GRIK4: variants seen among roughly 807,000 people sequenced by gnomAD.
The protein encoded by GRIK4 is glutamate ionotropic receptor kainate type subunit 4, also known as glutamate receptor ionotropic, kainate 4.
In GRIK4, 40 loss-of-function variants were observed where a neutral mutation model predicts 104.9. That is an observed-to-expected ratio of 0.38 (90% CI 0.30 to 0.50). GRIK4 has a LOEUF of 0.50. Ranked by LOEUF, GRIK4 falls within the 20% of genes least tolerant of loss-of-function variation. The pLI is 0.93. For missense variants in GRIK4, 1,047 were observed against 1,308.1 expected, an observed-to-expected ratio of 0.80 and a Z score of 3.08; for synonymous variants, 485 against 524.9, an observed-to-expected ratio of 0.92 and a Z score of 1.04.
chr11:120,723,577 C>T (rs1219545515), intron 3 of GRIK4, among the ~76,000 whole-genome samples: 1 of 152,176 alleles, frequency 6.6e-6, no homozygotes, highest in Non-Finnish European at 1.5e-5. Context: ...CACAGATGTA[C>T]CCAGATGGTA....
chr11:120,591,612 C>G (rs116184081), intron 1 of GRIK4, among the ~76,000 whole-genome samples: 1,577 of 152,286 alleles, frequency 0.01, 18 homozygotes, highest in African/African-American at 0.036. Context: ...CTTCCCTCTT[C>G]CCTCCACCAC....
intron 1 of GRIK4, among the ~76,000 whole-genome samples, chr11:120,563,527 C>T (rs1001855127): frequency 1.9e-4 from 29 of 152,254 alleles, no homozygotes; most frequent in African/African-American, 7.0e-4. Context: ...GCGGGTTCAG[C>T]TTTTGAACTC....
intron 3 of GRIK4, among the ~76,000 whole-genome samples, chr11:120,713,191 C>A (rs1443282348): frequency 1.3e-5 from 2 of 152,122 alleles, no homozygotes; most frequent in Non-Finnish European, 2.9e-5. Context: ...GTCAAGTGTC[C>A]CCCTGTTTAT....
intron 1 of GRIK4, among the ~76,000 whole-genome samples, chr11:120,546,621 A>T (rs529797425): frequency 1.3e-5 from 2 of 152,218 alleles, no homozygotes; most frequent in African/African-American, 2.4e-5. Context: ...TGCCCCACAG[A>T]GTGTGTCCAA....
intron 1 of GRIK4, among the ~76,000 whole-genome samples, chr11:120,623,305 A>AT (rs986123850): frequency 6.6e-6 from 1 of 151,358 alleles, no homozygotes; most frequent in African/African-American, 2.4e-5. Flanking sequence ...TTTTATTTTT[A>AT]TTTTTTTGTA....
At chr11:120,669,420 C>T (rs1024304519) in intron 3 of GRIK4, among the ~76,000 whole-genome samples, 3 of 152,184 alleles carry the variant, frequency 2.0e-5, no homozygotes, top group African/African-American at 7.2e-5. Context: ...CTACAGTGGG[C>T]TCCTGATTTT....
At chr11:120,764,496 C>G (rs1167976153) in intron 3 of GRIK4, among the ~76,000 whole-genome samples, 5 of 152,132 alleles carry the variant, frequency 3.3e-5, no homozygotes, top group Non-Finnish European at 5.9e-5. Flanking sequence ...ATGATGCTAG[C>G]TGGTTATTTT....
At chr11:120,626,100 G>A (rs979530840) in intron 1 of GRIK4, among the ~76,000 whole-genome samples, 6 of 152,146 alleles carry the variant, frequency 3.9e-5, no homozygotes, top group African/African-American at 1.2e-4. Context: ...GTGTCCCCCC[G>A]CCCCAACAAA....
intron 3 of GRIK4, among the ~76,000 whole-genome samples, chr11:120,763,557 T>C (rs1951785531): frequency 6.6e-6 from 1 of 152,232 alleles, no homozygotes; most frequent in African/African-American, 2.4e-5. Flanking sequence ...TTTAGATCTT[T>C]CCTGCTTTCT....
intron 11 of GRIK4, among the ~76,000 whole-genome samples, chr11:120,892,711 C>T (rs1047863280): frequency 2.0e-5 from 3 of 152,170 alleles, no homozygotes; most frequent in Non-Finnish European, 4.4e-5. Context: ...GGTCACACGA[C>T]AGACCAAATC....
chr11:120,707,308 C>T (rs1591822006), intron 3 of GRIK4, among the ~76,000 whole-genome samples: 2 of 152,314 alleles, frequency 1.3e-5, no homozygotes, highest in African/African-American at 4.8e-5. Flanking sequence ...CTTGTGGCCG[C>T]CAGTCTGCCA....
At chr11:120,655,940 G>T (rs1400559904) in intron 2 of GRIK4, among the ~76,000 whole-genome samples, 5 of 152,154 alleles carry the variant, frequency 3.3e-5, no homozygotes, top group African/African-American at 7.2e-5. Context: ...AGGCAGATGT[G>T]CGGTCATAAG....
chr11:120,832,756 G>T (rs1366952187), intron 7 of GRIK4, among the ~76,000 whole-genome samples: 1 of 152,184 alleles, frequency 6.6e-6, no homozygotes, highest in African/African-American at 2.4e-5. Flanking sequence ...TGTGAGTGAG[G>T]CTGATCCAAG....
At chr11:120,789,130 T>TGGATGCCAGATCCAAATGTC (rs1952345690) in intron 3 of GRIK4, among the ~76,000 whole-genome samples, 1 of 152,086 alleles carries the variant, frequency 6.6e-6, no homozygotes, top group Non-Finnish European at 1.5e-5. Context: ...AAGTTGTCAT[T>TGGATGCCAGATCCAAATGTC]ATCACCCTGA....
intron 3 of GRIK4, among the ~76,000 whole-genome samples, chr11:120,697,049 C>T (rs1950461049): frequency 6.6e-6 from 1 of 152,244 alleles, no homozygotes; most frequent in African/African-American, 2.4e-5. Flanking sequence ...GCCTCTGCCT[C>T]CTCAGCTCAT....
At chr11:120,752,994 C>T (rs1174477577) in intron 3 of GRIK4, among the ~76,000 whole-genome samples, 1 of 152,256 alleles carries the variant, frequency 6.6e-6, no homozygotes, top group Admixed American at 6.5e-5. Flanking sequence ...CCCACCCTCT[C>T]CCTTGTGGCC....
rs564050342 is a variant in GRIK4, at chr11:120,660,621, A to C, written c.82+221A>C. Among the ~76,000 whole-genome samples the C allele has an allele frequency of 5.3e-4, 81 of 152,248 alleles. No individual in the cohort carries two copies. In the South Asian group the frequency reaches 0.015, roughly 28 times the overall value. On this transcript the variant is annotated intron_variant, in intron 3 of 20. Coordinates refer to ENST00000527524, the MANE Select transcript of GRIK4 (RefSeq NM_014619.5). ...GCTGAGCTCCCCGGCCACTAGAATA[A>C]AGATGCTGATAACTCCCTAGTGCAG...
intron 3 of GRIK4, among the ~76,000 whole-genome samples, chr11:120,692,920 TG>T (rs1284856711): frequency 6.6e-6 from 1 of 151,416 alleles, no homozygotes; most frequent in African/African-American, 2.4e-5. Context: ...TTAGTAGAGA[TG>T]GGTTTTCACC....
chr11:120,624,164 T>C (rs1452684071), intron 1 of GRIK4, among the ~76,000 whole-genome samples: 1 of 152,220 alleles, frequency 6.6e-6, no homozygotes, highest in Non-Finnish European at 1.5e-5. Flanking sequence ...TAAACTGTTA[T>C]AGCAATAATT....
Sources: allele counts gnomAD v4.1 joint callset (sites outside exome capture counted in the v4.1 genomes callset), GRCh38; gene constraint gnomAD v4.1.1; transcripts MANE v1.5; gene names NCBI Gene and HGNC (gene_info 2026-07-23, HGNC 2026-07-21).